Variants in COL21A1 observed in about 807,000 individuals in gnomAD.
The protein encoded by COL21A1 is collagen type XXI alpha 1 chain, also known as collagen alpha-1(XXI) chain.
A neutral mutation model predicts 137.9 loss-of-function variants in COL21A1; 149 were observed. That is an observed-to-expected ratio of 1.08 (90% CI 0.95 to 1.24). COL21A1 has a LOEUF of 1.24. Among genes scored for constraint, COL21A1 ranks in the 50% most tolerant of loss-of-function variants. The probability of loss-of-function intolerance (pLI) is 0.00; values close to 1 mark genes in which losing one functional copy is unlikely to be tolerated. For synonymous variants in COL21A1, 456 were observed against 391.5 expected (o/e 1.16, Z -1.95); for missense variants, 1,167 against 1,158.4 (o/e 1.01, Z -0.11).
chr6:56,244,875 G>A (rs1245060540), intron 1 of COL21A1, among the ~76,000 whole-genome samples: 1 of 152,120 alleles, frequency 6.6e-6, no homozygotes, highest in Non-Finnish European at 1.5e-5. Flanking sequence ...AGATCTACTT[G>A]GTCCTAAGAG....
In COL21A1 at chr6:56,091,781, T is replaced by C. The variant is rs571770036; in HGVS notation, c.1812+9691A>G. On this transcript the variant is annotated intron_variant, in intron 17 of 29. Transcript: ENST00000244728. ...GGAAACTATTCTGCAGATAATTTGGTTGGCAAGAATTGACCAAAGAAGACT... is the reference window on the plus strand; with the variant it reads ...GGAAACTATTCTGCAGATAATTTGGCTGGCAAGAATTGACCAAAGAAGACT... The C allele has an allele frequency of 2.6e-5, 4 of 152,310 alleles. No homozygotes were observed. In the South Asian group the frequency reaches 8.3e-4, roughly 32 times the overall value. 9.4% of individuals were successfully genotyped at this position (152,310 alleles called of 1,614,324 possible).
At chr6:56,148,136 T>C (rs919588457) in intron 10 of COL21A1, among the ~76,000 whole-genome samples, 2 of 152,158 alleles carry the variant, frequency 1.3e-5, no homozygotes, top group African/African-American at 4.8e-5. Context: ...ATATATCTAC[T>C]AACTATGCTA....
intron 12 of COL21A1, among the ~76,000 whole-genome samples, chr6:56,132,579 A>G (rs1042093361): frequency 1.3e-5 from 2 of 152,222 alleles, no homozygotes; most frequent in Non-Finnish European, 2.9e-5. Flanking sequence ...ATGGAAATAA[A>G]TGGAGAAAAA....
At chr6:56,267,771 A>G (rs1451132195) in intron 1 of COL21A1, among the ~76,000 whole-genome samples, 1 of 114,564 alleles carries the variant, frequency 8.7e-6, no homozygotes, top group Admixed American at 1.1e-4. Flanking sequence ...AAAAAAAAAA[A>G]AGAAGAAGAA....
chr6:56,118,492 T>C (rs1425461590), intron 16 of COL21A1, among the ~76,000 whole-genome samples: 1 of 151,916 alleles, frequency 6.6e-6, no homozygotes, highest in African/African-American at 2.4e-5. Context: ...CTGCTGGATT[T>C]GACCCAACAT....
intron 17 of COL21A1, among the ~76,000 whole-genome samples, chr6:56,099,224 A>ATTT (rs765498868): frequency 5.4e-5 from 6 of 111,994 alleles, no homozygotes; most frequent in South Asian, 2.9e-4. Context: ...CACAAACTAA[A>ATTT]TTTTTTTTTT....
At chr6:56,242,174 C>A (rs557229589) in intron 1 of COL21A1, among the ~76,000 whole-genome samples, 1 of 152,006 alleles carries the variant, frequency 6.6e-6, no homozygotes, top group Non-Finnish European at 1.5e-5. Flanking sequence ...TTGCAAAATA[C>A]GTATACAACA....
At chr6:56,289,719 T>C (rs895616104) in intron 1 of COL21A1, among the ~76,000 whole-genome samples, 2 of 152,186 alleles carry the variant, frequency 1.3e-5, no homozygotes, top group South Asian at 2.1e-4. Context: ...GATTACCTGA[T>C]AGGAACATCT....
At chr6:56,243,729 A>G (rs1368807813) in intron 1 of COL21A1, among the ~76,000 whole-genome samples, 1 of 152,190 alleles carries the variant, frequency 6.6e-6, no homozygotes, top group Non-Finnish European at 1.5e-5. Flanking sequence ...AGCAAAAGTG[A>G]TTATGTAACT....
At chr6:56,067,243 T>G in intron 23 of COL21A1, 52 bp downstream of exon 23, 8 of 1,445,950 alleles carry the variant, frequency 5.5e-6, no homozygotes, top group Non-Finnish European at 6.7e-6. Context: ...AAGAACTTTT[T>G]AAAAGCTCTG....
At chr6:56,280,045 C>G (rs1763755981) in intron 1 of COL21A1, among the ~76,000 whole-genome samples, 1 of 152,164 alleles carries the variant, frequency 6.6e-6, no homozygotes, top group South Asian at 2.1e-4. Context: ...TACCATCTTT[C>G]ACTACATACG....
intron 1 of COL21A1, among the ~76,000 whole-genome samples, chr6:56,274,588 A>G (rs558380751): frequency 6.6e-6 from 1 of 152,296 alleles, no homozygotes; most frequent in South Asian, 2.1e-4. Context: ...CTAAGAGTAA[A>G]ACCAAGAGAA....
intron 16 of COL21A1, among the ~76,000 whole-genome samples, chr6:56,107,905 A>C (rs1392851657): frequency 6.6e-6 from 1 of 152,050 alleles, no homozygotes; most frequent in Non-Finnish European, 1.5e-5. Flanking sequence ...AATATTATAT[A>C]ATCTGATAAG....
chr6:56,213,746 G>A (rs1312631490), intron 1 of COL21A1, among the ~76,000 whole-genome samples: 1 of 151,932 alleles, frequency 6.6e-6, no homozygotes, highest in Non-Finnish European at 1.5e-5. Context: ...GCCCACAGAA[G>A]GCACACAAAT....
intron 7 of COL21A1, 84 bp from the exon 8 acceptor site, chr6:56,164,906 TCCAG>T (rs1776457703): frequency 1.9e-6 from 2 of 1,067,394 alleles, no homozygotes; most frequent in African/African-American, 3.6e-5. Context: ...TATTTCACCA[TCCAG>T]ATTAGAGATA....
In COL21A1 at chr6:56,386,482, A is replaced by C. The variant is rs142037480; in HGVS notation, c.-39+7489T>G. ...GAGTGGAATTGTTGGGTCATGTAGT[A>C]GTTCTTTTTAAGAAACCCCCAAACT... On this transcript the variant is annotated intron_variant, in intron 1 of 28. Coordinates refer to the COL21A1 transcript ENST00000370819. 8.5e-3 allele frequency among the ~76,000 whole-genome samples: 1,297 copies of C among 152,272 alleles called. 6 individuals carry two copies. Among genetic ancestry groups the C allele is most frequent in the Middle Eastern group, 0.02 (6 of 294 alleles).
chr6:56,126,214 A>G, intron 12 of COL21A1, 65 bp from the exon 13 acceptor site: 2 of 1,020,908 alleles, frequency 2.0e-6, no homozygotes, highest in Non-Finnish European at 3.0e-6. Context: ...ATCATCATCT[A>G]TTCTTCAACC....
chr6:56,074,277 C>T lies in COL21A1; in HGVS notation c.1920G>A (p.Met640Ile), dbSNP rs1460005464. The T allele has an allele frequency of 2.5e-6, 4 of 1,584,904 alleles. No individual in the cohort carries two copies. Among genetic ancestry groups the T allele is most frequent in the Non-Finnish European group, 3.4e-6 (4 of 1,165,858 alleles). The change falls in exon 20 of 30, where the codon ATG becomes ATA. Residue 640 changes from methionine to isoleucine, a missense_variant. Coordinates refer to ENST00000244728, the MANE Select transcript of COL21A1 (RefSeq NM_030820.4). ...KKGAPGMPGL[M>I]GSNGSPGQPG... is the part of the protein sequence containing the mutation. ...GCTGGCCTGGTGAGCCATTGCTTCCCATTAAACCCTACAATTTTAAAAAGG... is the reference window on the plus strand; with the variant it reads ...GCTGGCCTGGTGAGCCATTGCTTCCTATTAAACCCTACAATTTTAAAAAGG...
intron 1 of COL21A1, among the ~76,000 whole-genome samples, chr6:56,287,281 C>A (rs972167191): frequency 1.3e-5 from 2 of 152,228 alleles, no homozygotes; most frequent in African/African-American, 4.8e-5. Flanking sequence ...AATGGCTCCC[C>A]AAAAATGTCC....
Sources: allele counts gnomAD v4.1 joint callset (sites outside exome capture counted in the v4.1 genomes callset), GRCh38; gene constraint gnomAD v4.1.1; transcripts MANE v1.5; gene names NCBI Gene and HGNC (gene_info 2026-07-23, HGNC 2026-07-21).